The following GALNTL5 variants were observed in gnomAD, a reference collection of about 807,000 sequenced individuals.
The protein encoded by GALNTL5 is polypeptide N-acetylgalactosaminyltransferase like 5.
Under a neutral mutation model 51.0 loss-of-function variants are expected in GALNTL5, and 44 were observed. That is an observed-to-expected ratio of 0.86 (90% CI 0.68 to 1.11). The LOEUF (loss-of-function observed/expected upper bound fraction) is 1.11. Ranked by LOEUF, GALNTL5 falls within the 50% of genes least tolerant of loss-of-function variation. The pLI, the probability that GALNTL5 is intolerant of heterozygous loss-of-function variation, is 0.00. For missense variants in GALNTL5, 528 were observed against 531.8 expected, an observed-to-expected ratio of 0.99 and a Z score of 0.07; for synonymous variants, 192 against 182.8, an observed-to-expected ratio of 1.05 and a Z score of -0.41.
intron 7 of GALNTL5, among the ~76,000 whole-genome samples, chr7:152,008,168 C>A (rs1295980946): frequency 6.6e-6 from 1 of 151,864 alleles, no homozygotes; most frequent in Non-Finnish European, 1.5e-5. Flanking sequence ...AATCTCAGCA[C>A]TTTGGGAGGC....
At chr7:151,964,389 G>A (rs796431572) in intron 1 of GALNTL5, among the ~76,000 whole-genome samples, 8 of 152,230 alleles carry the variant, frequency 5.3e-5, no homozygotes, top group African/African-American at 1.9e-4. Context: ...GAATTCCCAC[G>A]TGCTGTGTGA....
At chr7:151,985,830 T>TC (rs1170396668) in intron 4 of GALNTL5, 1 of 152,372 alleles carries the variant, frequency 6.6e-6, no homozygotes, top group Non-Finnish European at 1.5e-5. Flanking sequence ...TGTCTGGAGA[T>TC]CTTTGAGCTG....
intron 5 of GALNTL5, among the ~76,000 whole-genome samples, chr7:152,000,606 T>C (rs992619085): frequency 6.6e-6 from 1 of 152,216 alleles, no homozygotes; most frequent in African/African-American, 2.4e-5. Context: ...TTTTCATTCT[T>C]GCCGTCCTAG....
At chr7:152,002,664 G>A (rs371512502) in intron 5 of GALNTL5, 50 bp from the exon 6 acceptor site, 50 of 1,588,330 alleles carry the variant, frequency 3.1e-5, no homozygotes, top group Admixed American at 2.4e-4. Context: ...TTGGATTGCC[G>A]TATTTTTTCA....
At chr7:151,987,758 C>T (rs1036666257) in intron 5 of GALNTL5, among the ~76,000 whole-genome samples, 35 of 152,312 alleles carry the variant, frequency 2.3e-4, no homozygotes, top group African/African-American at 3.4e-4. Flanking sequence ...GCTTCTGACC[C>T]GACACACGTG....
intron 1 of GALNTL5, among the ~76,000 whole-genome samples, chr7:151,966,957 G>A (rs541777335): frequency 6.6e-6 from 1 of 152,162 alleles, no homozygotes; most frequent in Non-Finnish European, 1.5e-5. Flanking sequence ...ATATGTACAC[G>A]AGTATGGGCC....
chr7:151,970,783 C>T (rs2081125153), intron 2 of GALNTL5, 162 bp from the exon 3 acceptor site: 2 of 502,634 alleles, frequency 4.0e-6, no homozygotes, highest in Non-Finnish European at 3.6e-6. Flanking sequence ...TACTAAAACA[C>T]CCACCTTTGC....
In GALNTL5 at chr7:151,956,496, TA is replaced by T. The variant is rs546311313; in HGVS notation, c.-145del. The T allele has an allele frequency of 2.6e-5, 4 of 152,130 alleles. No homozygotes were observed. Among genetic ancestry groups the T allele is most frequent in the Non-Finnish European group, 5.9e-5 (4 of 68,068 alleles). The allele number at this position is 152,130 out of a possible 1,614,324, so 9.4% of individuals were successfully genotyped here. A position where few individuals can be genotyped will look rare whatever the true frequency, so the allele number is the denominator to read the frequency against. On this transcript the variant is annotated 5_prime_UTR_variant, in exon 1 of 9. Transcript: ENST00000392800. ...CCCAGCCACCATAAAGCCTGCTAGC[TA>T]AAAAAAATTTTACATCTCTCAGTTC...
chr7:151,978,647 T>G (rs1254435014), intron 3 of GALNTL5, among the ~76,000 whole-genome samples: 1 of 152,178 alleles, frequency 6.6e-6, no homozygotes, highest in Non-Finnish European at 1.5e-5. Context: ...CTCTCTCAGT[T>G]TTGGAGGCCA....
chr7:151,993,058 A>G (rs1463829383), intron 5 of GALNTL5, among the ~76,000 whole-genome samples: 2 of 152,006 alleles, frequency 1.3e-5, no homozygotes, highest in Non-Finnish European at 2.9e-5. Flanking sequence ...ACCAACAGGG[A>G]GAACCCCCAT....
At chr7:152,000,148 G>A (rs1010233884) in intron 5 of GALNTL5, among the ~76,000 whole-genome samples, 6 of 152,234 alleles carry the variant, frequency 3.9e-5, no homozygotes, top group Non-Finnish European at 7.3e-5. Context: ...GTGACCAGCT[G>A]TAGAACAAAG....
intron 3 of GALNTL5, among the ~76,000 whole-genome samples, chr7:151,980,985 T>C (rs760738277): frequency 2.0e-5 from 3 of 152,136 alleles, no homozygotes; most frequent in African/African-American, 4.8e-5. Flanking sequence ...GACCTCGTGA[T>C]CCGCCCTCCT....
intron 3 of GALNTL5, among the ~76,000 whole-genome samples, chr7:151,975,775 C>T (rs752175776): frequency 1.5e-4 from 23 of 151,966 alleles, no homozygotes; most frequent in Middle Eastern, 6.8e-3. Flanking sequence ...TTCCATTTGT[C>T]AAGATATTTT....
chr7:152,008,251 CT>C (rs75036205), intron 7 of GALNTL5, among the ~76,000 whole-genome samples: 59,483 of 134,314 alleles, frequency 0.44, 12,759 homozygotes, highest in African/African-American at 0.61. Flanking sequence ...CCCATCTCTA[CT>C]TTTTTTTTTT....
chr7:151,958,553 C>T (rs575618328), intron 1 of GALNTL5, among the ~76,000 whole-genome samples: 4 of 152,154 alleles, frequency 2.6e-5, no homozygotes, highest in East Asian at 3.9e-4. Context: ...TGTTTGGTTG[C>T]GGCAAACAGT....
chr7:151,989,057 TA>T (rs1349882992), intron 5 of GALNTL5, among the ~76,000 whole-genome samples: 1 of 152,216 alleles, frequency 6.6e-6, no homozygotes, highest in Non-Finnish European at 1.5e-5. Flanking sequence ...CTTACTCGTT[TA>T]TTTTTAATTT....
chr7:152,018,093 C>T (rs181259857), intron 8 of GALNTL5, among the ~76,000 whole-genome samples: 15 of 152,346 alleles, frequency 9.8e-5, no homozygotes, highest in Non-Finnish European at 1.6e-4. Context: ...ATCTGCCTGC[C>T]TTGGCCTCCC....
intron 5 of GALNTL5, among the ~76,000 whole-genome samples, chr7:152,002,478 A>C (rs1258170425): frequency 6.6e-6 from 1 of 152,170 alleles, no homozygotes; most frequent in East Asian, 1.9e-4. Flanking sequence ...AATTCTCCCC[A>C]AAACCACTCT....
chr7:152,004,943 G>T (rs1023499342), intron 6 of GALNTL5, among the ~76,000 whole-genome samples: 4 of 152,162 alleles, frequency 2.6e-5, no homozygotes, highest in African/African-American at 9.7e-5. Context: ...TGACACAGAT[G>T]ATTTCTTTCC....
Sources: gnomAD v4.1 joint callset for allele counts (sites outside exome capture counted in the v4.1 genomes callset) on GRCh38, gnomAD v4.1.1 for gene constraint, MANE v1.5 for transcripts, NCBI Gene and HGNC (gene_info 2026-07-23, HGNC 2026-07-21) for gene names.